Variants in CNTNAP5 observed in about 807,000 individuals in gnomAD.
CNTNAP5 encodes contactin associated protein family member 5.
Under a neutral mutation model 150.2 loss-of-function variants are expected in CNTNAP5, and 72 were observed. The observed-to-expected ratio is 0.48, with a 90% CI of 0.40 to 0.58. The LOEUF is 0.58. CNTNAP5 is among the 20% of genes least tolerant of loss of function. The probability of loss-of-function intolerance (pLI) is 0.00; values close to 1 mark genes in which losing one functional copy is unlikely to be tolerated. For missense variants in CNTNAP5, 1,636 were observed against 1,626.2 expected, an observed-to-expected ratio of 1.01 and a Z score of -0.10; for synonymous variants, 672 against 619.8, an observed-to-expected ratio of 1.08 and a Z score of -1.25.
intron 13 of CNTNAP5, among the ~76,000 whole-genome samples, chr2:124,743,582 C>T (rs886866184): frequency 2.6e-5 from 4 of 152,108 alleles, no homozygotes; most frequent in African/African-American, 9.7e-5. Context: ...CATGGTGGTG[C>T]AGACAGCATG....
chr2:124,348,263 G>A (rs1201404486), intron 3 of CNTNAP5, among the ~76,000 whole-genome samples: 1 of 152,036 alleles, frequency 6.6e-6, no homozygotes, highest in African/African-American at 2.4e-5. Context: ...TAAGAAAACA[G>A]AATTTTCAAA....
intron 3 of CNTNAP5, among the ~76,000 whole-genome samples, chr2:124,265,244 G>A (rs997249180): frequency 1.3e-5 from 2 of 152,110 alleles, no homozygotes; most frequent in African/African-American, 2.4e-5. Flanking sequence ...TCCCTTAAGC[G>A]AGAACTGTAT....
intron 2 of CNTNAP5, among the ~76,000 whole-genome samples, chr2:124,229,923 A>G (rs552479668): frequency 6.6e-6 from 1 of 152,072 alleles, no homozygotes; most frequent in Non-Finnish European, 1.5e-5. Flanking sequence ...GAGTTTGGAA[A>G]CCATTATGTT....
At chr2:124,242,179 C>T in intron 2 of CNTNAP5, 21 bp from the exon 3 acceptor site, 1 of 1,558,454 alleles carries the variant, frequency 6.4e-7, no homozygotes, top group Non-Finnish European at 8.7e-7. Context: ...CTCTCTCTCA[C>T]TCTCTCTGAT....
intron 12 of CNTNAP5, among the ~76,000 whole-genome samples, chr2:124,620,509 A>C (rs1558707239): frequency 6.6e-6 from 1 of 152,158 alleles, no homozygotes; most frequent in African/African-American, 2.4e-5. Flanking sequence ...AATGGGTAGA[A>C]ATATGATTTG....
At chr2:124,838,685 C>T (rs913182156) in intron 19 of CNTNAP5, among the ~76,000 whole-genome samples, 11 of 152,168 alleles carry the variant, frequency 7.2e-5, no homozygotes, top group African/African-American at 2.4e-4. Context: ...CTCTTCACTT[C>T]TCTCCAAAAT....
intron 14 of CNTNAP5, among the ~76,000 whole-genome samples, chr2:124,763,285 T>TC (rs1680997268): frequency 6.6e-6 from 1 of 152,122 alleles, no homozygotes; most frequent in Non-Finnish European, 1.5e-5. Flanking sequence ...TTGAGTGGAA[T>TC]TTGTGATGGC....
rs191376268 is a variant in CNTNAP5 at position 124,261,282 on chromosome 2, C to G, written c.381+18889C>G. On this transcript the variant is annotated intron_variant, in intron 3 of 23. Coordinates refer to ENST00000682447, the MANE Select transcript of CNTNAP5 (RefSeq NM_001367498.1). ...ATATAAATATCCTCCCTACATAAAA[C>G]TCTTCAACAAAAGCCTCGCTGCCCA... 1.6e-3 allele frequency among the ~76,000 whole-genome samples: 237 copies of G among 152,230 alleles called. 2 individuals are homozygous for G. The highest frequency in any genetic ancestry group is 5.0e-3 in the African/African-American group (209 of 41,536).
chr2:124,167,548 A>G (rs1193310372), intron 1 of CNTNAP5, among the ~76,000 whole-genome samples: 1 of 152,200 alleles, frequency 6.6e-6, no homozygotes, highest in African/African-American at 2.4e-5. Context: ...AGCAGGTTTA[A>G]TGGGGAAAAA....
intron 11 of CNTNAP5, among the ~76,000 whole-genome samples, chr2:124,608,971 A>G (rs1023490776): frequency 5.9e-5 from 9 of 151,880 alleles, no homozygotes; most frequent in African/African-American, 1.9e-4. Context: ...AAAAGTCTTT[A>G]ATTAGTAAAA....
chr2:124,801,251 G>A (rs147712396), intron 19 of CNTNAP5, among the ~76,000 whole-genome samples: 1 of 152,290 alleles, frequency 6.6e-6, no homozygotes, highest in African/African-American at 2.4e-5. Context: ...GAAAAGAAAT[G>A]CAGGACTAAG....
chr2:124,613,137 A>T (rs1180815695), intron 12 of CNTNAP5, among the ~76,000 whole-genome samples: 2 of 152,200 alleles, frequency 1.3e-5, no homozygotes, highest in South Asian at 2.1e-4. Flanking sequence ...TAAATGGAAA[A>T]CAATTTTCTG....
At chr2:124,522,362 T>C (rs1373103709) in intron 8 of CNTNAP5, among the ~76,000 whole-genome samples, 1 of 152,194 alleles carries the variant, frequency 6.6e-6, no homozygotes, top group East Asian at 1.9e-4. Context: ...TTTGGTGAGA[T>C]CCTCTCATTC....
At chr2:124,344,427 C>T (rs1309498457) in intron 3 of CNTNAP5, among the ~76,000 whole-genome samples, 1 of 152,000 alleles carries the variant, frequency 6.6e-6, no homozygotes, top group Non-Finnish European at 1.5e-5. Flanking sequence ...CATCCTCCTT[C>T]CAAAAAAGAG....
At chr2:124,058,151 C>A (rs915302935) in intron 1 of CNTNAP5, among the ~76,000 whole-genome samples, 1 of 152,138 alleles carries the variant, frequency 6.6e-6, no homozygotes, top group Non-Finnish European at 1.5e-5. Context: ...AATTCCTAGA[C>A]ATCAACACAG....
chr2:124,840,635 C>T (rs2104691992), intron 19 of CNTNAP5, among the ~76,000 whole-genome samples: 1 of 152,180 alleles, frequency 6.6e-6, no homozygotes, highest in Admixed American at 6.6e-5. Context: ...AAAAGCTTTC[C>T]ACCTGATTGT....
Position 124,772,865 on chromosome 2 carries a change from C to T in CNTNAP5, c.2600C>T (p.Pro867Leu), listed in dbSNP as rs1398399293. 57 of 1,613,588 alleles carry T rather than the reference C, an allele frequency of 3.5e-5. No homozygotes were observed. The highest frequency in any genetic ancestry group is 4.7e-5 in the Non-Finnish European group (56 of 1,179,726). ...NGPVELVVQS[P>L]SLLNDNQWHY... is the part of the protein sequence containing the mutation. Reference sequence around the variant, plus strand: ...CCTGTGGAGCTTGTAGTCCAGTCTCCTTCTCTTCTGAATGACAACCAATGG... The same window carrying T: ...CCTGTGGAGCTTGTAGTCCAGTCTCTTTCTCTTCTGAATGACAACCAATGG... The change falls in exon 17 of 24, where the codon CCT becomes CTT. Residue 867 changes from proline (P) to leucine (L), a missense_variant. By Grantham distance (98) the Pro-to-Leu change is moderately conservative. Coordinates refer to ENST00000682447, the MANE Select transcript of CNTNAP5 (RefSeq NM_001367498.1).
intron 3 of CNTNAP5, among the ~76,000 whole-genome samples, chr2:124,264,740 T>C (rs544178543): frequency 6.6e-6 from 1 of 152,302 alleles, no homozygotes; most frequent in Admixed American, 6.5e-5. Flanking sequence ...GTGGCTTTGC[T>C]CGCATGCCAG....
chr2:124,120,916 G>C (rs1405734038), intron 1 of CNTNAP5, among the ~76,000 whole-genome samples: 1 of 152,152 alleles, frequency 6.6e-6, no homozygotes, highest in Non-Finnish European at 1.5e-5. Context: ...AGGAAGGCAT[G>C]TGAGGGGTCT....
Sources: allele counts gnomAD v4.1 joint callset (sites outside exome capture counted in the v4.1 genomes callset), GRCh38; gene constraint gnomAD v4.1.1; transcripts MANE v1.5; gene names NCBI Gene and HGNC (gene_info 2026-07-23, HGNC 2026-07-21).